Variants in ZFPM2 observed in about 807,000 individuals in gnomAD.
The protein encoded by ZFPM2 is zinc finger protein, FOG family member 2.
A neutral mutation model predicts 98.6 loss-of-function variants in ZFPM2; 20 were observed. The ratio of observed to expected loss-of-function variants is 0.20; its 90% CI spans 0.14 to 0.29. The LOEUF is 0.29. Ranked by LOEUF, ZFPM2 falls within the 10% of genes least tolerant of loss-of-function variation. The pLI is 1.00. For missense variants in ZFPM2, 1,310 were observed against 1,388.6 expected, an observed-to-expected ratio of 0.94 and a Z score of 0.90; for synonymous variants, 518 against 502.7, an observed-to-expected ratio of 1.03 and a Z score of -0.41.
At chr8:105,673,489 A>T (rs1038691215) in intron 5 of ZFPM2, among the ~76,000 whole-genome samples, 8 of 151,746 alleles carry the variant, frequency 5.3e-5, no homozygotes, top group African/African-American at 1.9e-4. Flanking sequence ...ACTGAGCATG[A>T]CTCTTTCTGG....
intron 5 of ZFPM2, among the ~76,000 whole-genome samples, chr8:105,668,767 A>G (rs1438887061): frequency 1.3e-5 from 2 of 152,188 alleles, no homozygotes; most frequent in Non-Finnish European, 2.9e-5. Context: ...TTATTACAGA[A>G]TATTGCTTTG....
intron 4 of ZFPM2, among the ~76,000 whole-genome samples, chr8:105,570,631 T>C (rs1815334785): frequency 6.6e-6 from 1 of 152,212 alleles, no homozygotes; most frequent in Non-Finnish European, 1.5e-5. Context: ...TTTACTTGCC[T>C]CCAAAATAAT....
At chr8:105,472,046 A>G (rs1812914774) in intron 3 of ZFPM2, among the ~76,000 whole-genome samples, 1 of 152,174 alleles carries the variant, frequency 6.6e-6, no homozygotes, top group Non-Finnish European at 1.5e-5. Flanking sequence ...TTTATGCATG[A>G]TGATCTCTGA....
chr8:105,403,134 AT>A (rs1811372813), intron 1 of ZFPM2, among the ~76,000 whole-genome samples: 1 of 151,938 alleles, frequency 6.6e-6, no homozygotes, highest in African/African-American at 2.4e-5. Context: ...CTTAGTGTTG[AT>A]TTTGTTTTCC....
At chr8:105,694,736 G>A (rs368063882) in intron 5 of ZFPM2, among the ~76,000 whole-genome samples, 29 of 152,128 alleles carry the variant, frequency 1.9e-4, no homozygotes, top group South Asian at 6.2e-4. Context: ...TAAGTGATAC[G>A]ATTCAATTTT....
intron 5 of ZFPM2, among the ~76,000 whole-genome samples, chr8:105,653,176 T>G (rs1817213871): frequency 6.6e-6 from 1 of 152,198 alleles, no homozygotes; most frequent in Admixed American, 6.5e-5. Context: ...TTACATTTAT[T>G]TTATCCATGG....
At chr8:105,529,580 T>C (rs1394346793) in intron 3 of ZFPM2, among the ~76,000 whole-genome samples, 2 of 40,086 alleles carry the variant, frequency 5.0e-5, no homozygotes, top group East Asian at 4.9e-4. Flanking sequence ...ACTCTCAGCA[T>C]TTTTTTTTTT....
chr8:105,794,774 C>A lies in ZFPM2; in HGVS notation c.740-3950C>A, dbSNP rs536644813. Among the ~76,000 whole-genome samples the A allele has an allele frequency of 6.6e-5, 10 of 152,324 alleles. No individual in the cohort carries two copies. The East Asian group carries it at 1.9e-3, about 29-fold the overall frequency. On this transcript the variant is annotated intron_variant, in intron 6 of 7. Coordinates refer to ENST00000407775, the MANE Select transcript of ZFPM2 (RefSeq NM_012082.4). ...CGGCTGCTTTGTTTACCTAAGCAAG[C>A]CTGGGCAATGGCTGGCGCCCCTCCC...
chr8:105,658,599 A>AAAAAC, intron 5 of ZFPM2, among the ~76,000 whole-genome samples: 1 of 40,198 alleles, frequency 2.5e-5, no homozygotes, highest in Non-Finnish European at 4.9e-5. Flanking sequence ...AAAAAAAAAA[A>AAAAAC]AAAAAAAAAA....
intron 5 of ZFPM2, among the ~76,000 whole-genome samples, chr8:105,743,029 C>T (rs749246484): frequency 6.6e-6 from 1 of 151,978 alleles, no homozygotes; most frequent in Non-Finnish European, 1.5e-5. Flanking sequence ...ATGACCATCA[C>T]AAGCAGTGAT....
chr8:105,330,551 T>C (rs142738117), intron 1 of ZFPM2, among the ~76,000 whole-genome samples: 5,229 of 67,558 alleles, frequency 0.077, 414 homozygotes, highest in African/African-American at 0.26. Flanking sequence ...TATATATATA[T>C]ACATATATAT....
intron 3 of ZFPM2, among the ~76,000 whole-genome samples, chr8:105,512,476 A>G (rs1255750502): frequency 1.3e-5 from 2 of 152,214 alleles, no homozygotes; most frequent in African/African-American, 4.8e-5. Context: ...TAGTGGATAT[A>G]GTAGTCATAA....
intron 5 of ZFPM2, among the ~76,000 whole-genome samples, chr8:105,713,261 G>T (rs1189641716): frequency 3.3e-5 from 5 of 151,908 alleles, no homozygotes; most frequent in African/African-American, 1.2e-4. Flanking sequence ...TTGTGATTTT[G>T]ATTTGCATTT....
At chr8:105,439,477 C>T (rs1490483671) in intron 2 of ZFPM2, among the ~76,000 whole-genome samples, 1 of 152,138 alleles carries the variant, frequency 6.6e-6, no homozygotes, top group East Asian at 1.9e-4. Context: ...GCCCTACTAT[C>T]CTGCTTGTTG....
chr8:105,617,560 G>T (rs1323237702), intron 4 of ZFPM2, among the ~76,000 whole-genome samples: 1 of 152,120 alleles, frequency 6.6e-6, no homozygotes, highest in Non-Finnish European at 1.5e-5. Flanking sequence ...AATGAAGACC[G>T]GCCAGACCGC....
intron 1 of ZFPM2, among the ~76,000 whole-genome samples, chr8:105,388,431 G>A (rs751310730): frequency 6.6e-6 from 1 of 152,188 alleles, no homozygotes; most frequent in Non-Finnish European, 1.5e-5. Flanking sequence ...AGTATAAGTC[G>A]TGAAAGATGA....
intron 5 of ZFPM2, among the ~76,000 whole-genome samples, chr8:105,664,033 T>A (rs996341675): frequency 5.3e-5 from 8 of 152,276 alleles, no homozygotes; most frequent in Admixed American, 4.6e-4. Context: ...CACACAAACA[T>A]ATAAATGGAA....
intron 3 of ZFPM2, among the ~76,000 whole-genome samples, chr8:105,497,766 T>C (rs1317481281): frequency 2.0e-5 from 3 of 152,118 alleles, no homozygotes; most frequent in African/African-American, 4.8e-5. Flanking sequence ...AGAAGAACTT[T>C]GTGGGATGGA....
intron 3 of ZFPM2, among the ~76,000 whole-genome samples, chr8:105,554,339 G>C (rs1814934916): frequency 6.6e-6 from 1 of 152,164 alleles, no homozygotes; most frequent in African/African-American, 2.4e-5. Flanking sequence ...ACCCTCTTAG[G>C]TATCTGGCAG....
Sources: gnomAD v4.1 joint callset for allele counts (sites outside exome capture counted in the v4.1 genomes callset) on GRCh38, gnomAD v4.1.1 for gene constraint, MANE v1.5 for transcripts, NCBI Gene and HGNC (gene_info 2026-07-23, HGNC 2026-07-21) for gene names.